TTI1: variants seen among roughly 807,000 people sequenced by gnomAD.
The protein encoded by TTI1 is TELO2-interacting protein 1 homolog.
A neutral mutation model predicts 85.4 loss-of-function variants in TTI1; 52 were observed. That is an observed-to-expected ratio of 0.61 (90% CI 0.49 to 0.77). The LOEUF (loss-of-function observed/expected upper bound fraction) is 0.77. Among genes scored for constraint, TTI1 ranks in the 30% least tolerant of loss-of-function variants. The probability of loss-of-function intolerance (pLI) is 0.00; values close to 1 mark genes in which losing one functional copy is unlikely to be tolerated. For missense variants in TTI1, 1,173 were observed against 1,296.0 expected (o/e 0.91, Z 1.46); for synonymous variants, 512 against 503.9 (o/e 1.02, Z -0.22).
At chr20:38,002,579 A>C in intron 4 of TTI1, 49 bp downstream of exon 4, 1 of 1,599,990 alleles carries the variant, frequency 6.3e-7, no homozygotes. Flanking sequence ...ACCAGGCCAC[A>C]CCTTAGTCCT....
chr20:37,983,658 G>T lies in TTI1; in HGVS notation c.3087-19C>A, dbSNP rs1336302079. The T allele has an allele frequency of 1.3e-6, 2 of 1,498,768 alleles. No homozygotes were observed. Among genetic ancestry groups the T allele is most frequent in the South Asian group, 2.7e-5 (2 of 73,820 alleles). 92.8% of individuals were successfully genotyped at this position (1,498,768 alleles called of 1,614,324 possible). ...GAAGACGCTGTGGAGAGATGGAAAG[G>T]AGTGAGTAGAGGGTACAGAGAGGGA... On this transcript the variant is annotated intron_variant, in intron 7 of 7. Coordinates refer to ENST00000373447, the MANE Select transcript of TTI1 (RefSeq NM_001303457.2).
intron 4 of TTI1, among the ~76,000 whole-genome samples, chr20:38,001,279 T>G (rs995755577): frequency 1.3e-5 from 2 of 152,162 alleles, no homozygotes; most frequent in African/African-American, 4.8e-5. Context: ...TCATCTTCAT[T>G]TTACTGATGA....
intron 1 of TTI1, among the ~76,000 whole-genome samples, chr20:38,020,379 C>G (rs1389948253): frequency 8.0e-6 from 1 of 125,492 alleles, no homozygotes; most frequent in East Asian, 2.5e-4. Flanking sequence ...CCATCACATC[C>G]TATTTAAATG....
chr20:38,025,177 C>T (rs2073820600), intron 1 of TTI1, among the ~76,000 whole-genome samples: 1 of 152,154 alleles, frequency 6.6e-6, no homozygotes, highest in Non-Finnish European at 1.5e-5. Flanking sequence ...ACAGACAAAA[C>T]AGCCTCAACA....
At position 38,012,992 on chromosome 20, in the gene TTI1, C is replaced by T; in HGVS notation, c.825G>A (p.Arg275=). 6.2e-7 allele frequency: 1 copy of T among 1,614,000 alleles called. No individual in the cohort carries two copies. ...CAGTCTTTTTTACCCAATCTGCTTC[C>T]CTGTAAACCATCAGCTCTGCTACTC... is the stretch of plus-strand genomic sequence containing the variant. ...EHRVAELMVY[R]EADWVKKTGD... is the part of the protein sequence containing the mutation. Residue 275 remains arginine, a synonymous_variant, in exon 2 of 8, where the codon AGG becomes AGA. Transcript: ENST00000373447.
chr20:38,013,418 T>C lies in TTI1; in HGVS notation c.399A>G (p.Ser133=), dbSNP rs754914666. 3.1e-6 allele frequency: 5 copies of C among 1,614,060 alleles called. No individual in the cohort carries two copies. The South Asian group carries it at 5.5e-5, about 18-fold the overall frequency. The change falls in exon 2 of 8, where the codon TCA becomes TCG. Residue 133 remains serine, a synonymous_variant. Coordinates refer to ENST00000373447, the MANE Select transcript of TTI1 (RefSeq NM_001303457.2). The part of the protein sequence containing the change: ...VIQGLSTLMH[S]AYGDIILTFY... ...AAGTCAGAATGATGTCCCCATAAGC[T>C]GAGTGCATTAATGTGCTAAGTCCCT...
chr20:38,010,793 A>G (rs1392170178), intron 2 of TTI1, among the ~76,000 whole-genome samples: 1 of 152,152 alleles, frequency 6.6e-6, no homozygotes, highest in Non-Finnish European at 1.5e-5. Flanking sequence ...CCATTCTAAT[A>G]GTGGCTAACA....
At position 38,006,151 on chromosome 20, in the gene TTI1, C is replaced by A. The variant is rs977109979; in HGVS notation, c.2503+46G>T. On this transcript the variant is annotated intron_variant, in intron 3 of 7. Coordinates refer to ENST00000373447, the MANE Select transcript of TTI1 (RefSeq NM_001303457.2). ...GATGTTTCACCATTTTTACAATAAT[C>A]TGTTTCAGAAAGAAAAAACCAGCTA... The A allele has an allele frequency of 3.7e-6, 6 of 1,601,922 alleles. No individual in the cohort carries two copies. The African/African-American group carries it at 8.1e-5, about 21-fold the overall frequency.
chr20:38,005,110 C>T (rs902016432), intron 3 of TTI1, among the ~76,000 whole-genome samples: 107 of 152,186 alleles, frequency 7.0e-4, no homozygotes, highest in African/African-American at 2.5e-3. Flanking sequence ...GCTGGAAGTA[C>T]TGGCTTCAGT....
chr20:38,013,243 T>C lies in TTI1; in HGVS notation c.574A>G (p.Arg192Gly), dbSNP rs1453833214. The change falls in exon 2 of 8, where the codon AGG becomes GGG. Residue 192 changes from arginine to glycine, a missense_variant. Transcript: ENST00000373447. Reference protein sequence around the residue: ...LLQCDCQDHPRSLDELEQKQL... With the variant: ...LLQCDCQDHPGSLDELEQKQL... The stretch of plus-strand genomic sequence containing the variant: ...TTTTGTTCAAGTTCATCCAATGACC[T>C]TGGATGGTCCTGACAATCACACTGC... The C allele has an allele frequency of 6.2e-7, 1 of 1,614,070 alleles. No individual in the cohort carries two copies. The highest frequency in any genetic ancestry group is 8.5e-7 in the Non-Finnish European group (1 of 1,180,032).
intron 7 of TTI1, among the ~76,000 whole-genome samples, chr20:37,996,056 T>G (rs758188018): frequency 3.3e-5 from 5 of 152,182 alleles, no homozygotes; most frequent in Non-Finnish European, 7.4e-5. Flanking sequence ...CATGAAGAAG[T>G]GCCAGGCACC....
At position 38,013,415 on chromosome 20, in the gene TTI1, A is replaced by G; in HGVS notation, c.402T>C (p.Ala134=). 1 of 1,614,068 alleles carries G rather than the reference A, an allele frequency of 6.2e-7. No individual in the cohort carries two copies. Among genetic ancestry groups the G allele is most frequent in the African/African-American group, 1.3e-5 (1 of 75,062 alleles). Residue 134 remains alanine (A), a synonymous_variant, in exon 2 of 8, where the codon GCT becomes GCC. Transcript: ENST00000373447. ...IQGLSTLMHS[A]YGDIILTFYE... ...AAAAAGTCAGAATGATGTCCCCATA[A>G]GCTGAGTGCATTAATGTGCTAAGTC...
At position 38,012,765 on chromosome 20, in the gene TTI1, C is replaced by T; in HGVS notation, c.1052G>A (p.Cys351Tyr). Residue 351 changes from cysteine to tyrosine, a missense_variant, in exon 2 of 8, where the codon TGC (cysteine) becomes TAC (tyrosine). Transcript: ENST00000373447. ...TGCAAAATGTCTCAGAACTTTATTG[C>T]ACTGGGCTTGGATTTCAGGACTCTC... ...NDESPEIQAQ[C>Y]NKVLRHFADQ... 1.2e-6 allele frequency: 2 copies of T among 1,614,154 alleles called. No homozygotes were observed. Among genetic ancestry groups the T allele is most frequent in the Non-Finnish European group, 1.7e-6 (2 of 1,180,038 alleles).
At chr20:38,024,113 G>C (rs2073805836) in intron 1 of TTI1, among the ~76,000 whole-genome samples, 1 of 152,076 alleles carries the variant, frequency 6.6e-6, no homozygotes, top group Non-Finnish European at 1.5e-5. Flanking sequence ...TTCTAAAAAA[G>C]GGATTCTTAA....
chr20:38,000,080 A>G (rs922425048), intron 4 of TTI1, among the ~76,000 whole-genome samples: 1 of 152,170 alleles, frequency 6.6e-6, no homozygotes, highest in Non-Finnish European at 1.5e-5. Flanking sequence ...AGAGAAGTGA[A>G]AGGACTGGAT....
chr20:38,005,787 A>G (rs1235928552), intron 3 of TTI1: 1 of 142,816 alleles, frequency 7.0e-6, no homozygotes, highest in East Asian at 2.0e-4. Context: ...ATGCAAAAAT[A>G]AAAAATAAAA....
In TTI1 at chr20:38,002,735, G is replaced by A. The variant is rs201740685; in HGVS notation, c.2545C>T (p.Arg849Cys). ...VPPKVDENDT[R>C]PDVEPPLPLQ... is the part of the protein sequence containing the mutation. ...GGCAGTGGTGGCTCCACATCTGGAC[G>A]GGTGTCATTCTCATCCACTTTGGGA... Residue 849 changes from arginine (R) to cysteine (C), a missense_variant, in exon 4 of 8, where the codon CGT becomes TGT. Physicochemically the swap from Arg to Cys is radical, Grantham distance 180. Transcript: ENST00000373447. The A allele has an allele frequency of 3.1e-4, 494 of 1,614,082 alleles. 2 individuals carry two copies. The highest frequency in any genetic ancestry group is 9.8e-4 in the South Asian group (89 of 91,090).
At chr20:38,007,387 C>T (rs532152945) in intron 2 of TTI1, among the ~76,000 whole-genome samples, 16 of 152,294 alleles carry the variant, frequency 1.1e-4, no homozygotes, top group African/African-American at 3.8e-4. Flanking sequence ...CCGTGGTTTT[C>T]AAACTGTGCC....
At chr20:37,997,777 G>A (rs2073364262) in intron 5 of TTI1, among the ~76,000 whole-genome samples, 1 of 152,066 alleles carries the variant, frequency 6.6e-6, no homozygotes, top group Non-Finnish European at 1.5e-5. Context: ...TCTGCGCATG[G>A]GGAAAGCAGC....
Sources: allele counts gnomAD v4.1 joint callset (sites outside exome capture counted in the v4.1 genomes callset), GRCh38; gene constraint gnomAD v4.1.1; transcripts MANE v1.5; gene names NCBI Gene and HGNC (gene_info 2026-07-23, HGNC 2026-07-21).